The following APOOL variants were observed in gnomAD, a reference collection of about 807,000 sequenced individuals.
The protein encoded by APOOL is apolipoprotein O like.
Under a neutral mutation model 23.1 loss-of-function variants are expected in APOOL, and 12 were observed. The observed-to-expected ratio is 0.52, with a 90% confidence interval of 0.33 to 0.84. The LOEUF is 0.84. Among genes scored for constraint, APOOL ranks in the 40% least tolerant of loss-of-function variants. The pLI is 0.02. For synonymous variants in APOOL, 77 were observed against 69.9 expected (o/e 1.10, Z -0.51); for missense variants, 212 against 199.6 (o/e 1.06, Z -0.37).
At chrX:85,038,156 G>A (rs949613538) in intron 1 of APOOL, among the ~76,000 whole-genome samples, 1 of 111,298 alleles carries the variant, frequency 9.0e-6, no homozygotes, top group Non-Finnish European at 1.9e-5. Flanking sequence ...TTTTAGTTCT[G>A]TTTATGTGAT....
chrX:85,082,754 C>A (rs1237443183), intron 8 of APOOL, among the ~76,000 whole-genome samples: 1 of 111,769 alleles, frequency 8.9e-6, no homozygotes, highest in Non-Finnish European at 1.9e-5. Context: ...TTCACCAAGT[C>A]AAAAATATTT....
intron 5 of APOOL, among the ~76,000 whole-genome samples, chrX:85,058,442 T>C (rs1301206219): frequency 8.9e-6 from 1 of 111,878 alleles, no homozygotes; most frequent in East Asian, 2.8e-4. Flanking sequence ...CCATGGTGTA[T>C]ATGTACCACA....
chrX:85,017,185 G>C (rs1921506116), intron 1 of APOOL, among the ~76,000 whole-genome samples: 1 of 111,751 alleles, frequency 8.9e-6, no homozygotes, highest in African/African-American at 3.3e-5. Flanking sequence ...GCATAGGCCT[G>C]TGTGGGGGTT....
chrX:85,071,807 ACTCCT>A (rs1458635067), intron 6 of APOOL, among the ~76,000 whole-genome samples: 2 of 112,099 alleles, frequency 1.8e-5, no homozygotes, highest in African/African-American at 6.5e-5. Context: ...TGTATTAAGA[ACTCCT>A]GGCCAGGCGT....
chrX:85,083,606 G>A lies in APOOL; in HGVS notation c.719-3984G>A, dbSNP rs1040783156. Among the ~76,000 whole-genome samples, 3 of 111,747 alleles carry A rather than the reference G, an allele frequency of 2.7e-5. No individual in the cohort carries two copies. The Admixed American group carries it at 2.9e-4, about 11-fold the overall frequency. ...GAAAAGTTTGAGAAAGTACTTTATA[G>A]TGACTAGTGTCTTTAAGTATTTGAG... On this transcript the variant is annotated intron_variant, in intron 8 of 8. Coordinates refer to ENST00000373173, the MANE Select transcript of APOOL (RefSeq NM_198450.6).
chrX:85,035,142 A>G (rs2147485560), intron 1 of APOOL, among the ~76,000 whole-genome samples: 1 of 111,192 alleles, frequency 9.0e-6, no homozygotes, highest in South Asian at 3.8e-4. Context: ...ATTTTTTATA[A>G]TAGCCATTCT....
At chrX:85,052,324 GCC>G (rs1922810256) in intron 3 of APOOL, among the ~76,000 whole-genome samples, 1 of 112,024 alleles carries the variant, frequency 8.9e-6, no homozygotes, top group Admixed American at 9.5e-5. Context: ...TTAATGCTTA[GCC>G]TTCAATCAGC....
intron 5 of APOOL, among the ~76,000 whole-genome samples, chrX:85,061,738 C>T (rs1424614697): frequency 4.5e-5 from 5 of 111,899 alleles, no homozygotes; most frequent in Non-Finnish European, 9.4e-5. Context: ...TCCCCTTTAT[C>T]ATTTTTTATT....
chrX:85,019,859 A>C (rs1921598934), intron 1 of APOOL, among the ~76,000 whole-genome samples: 1 of 112,046 alleles, frequency 8.9e-6, no homozygotes, highest in Non-Finnish European at 1.9e-5. Flanking sequence ...GTGTGGCCCA[A>C]GGGGTAGCTG....
intron 1 of APOOL, among the ~76,000 whole-genome samples, chrX:85,035,396 TATTC>T (rs1922181138): frequency 9.0e-6 from 1 of 110,761 alleles, no homozygotes; most frequent in African/African-American, 3.3e-5. Context: ...TATTTCCTCA[TATTC>T]AGTAAGTTAT....
At chrX:85,055,701 T>A (rs1312222119) in intron 4 of APOOL, 126 bp from the exon 5 acceptor site, 2 of 416,489 alleles carry the variant, frequency 4.8e-6, no homozygotes, top group African/African-American at 5.3e-5. Flanking sequence ...TATATGTAGC[T>A]CTTTTGAAGA....
chrX:85,031,413 A>G (rs918276511), intron 1 of APOOL, among the ~76,000 whole-genome samples: 4 of 111,518 alleles, frequency 3.6e-5, no homozygotes, highest in Non-Finnish European at 7.5e-5. Flanking sequence ...ACAGGAGTCT[A>G]TATTTAATAG....
intron 8 of APOOL, among the ~76,000 whole-genome samples, chrX:85,087,262 AT>A (rs1924341447): frequency 9.0e-6 from 1 of 110,778 alleles, no homozygotes; most frequent in South Asian, 3.9e-4. Context: ...CCTGGAAGGC[AT>A]TGCCTGCTGG....
chrX:85,091,542 TCA>T lies in APOOL; in HGVS notation c.*3868_*3869del, dbSNP rs1317067530. ...GAAGTGCCTGGTAGGTAGTAGGAAC[TCA>T]CACGTTCTGCTATGCTGGTTGCAGC... On this transcript the variant is annotated 3_prime_UTR_variant, in exon 9 of 9. Transcript: ENST00000373173. 1 of 112,222 alleles carries T rather than the reference TCA, an allele frequency of 8.9e-6. No individual in the cohort carries two copies. The highest frequency in any genetic ancestry group is 2.8e-4 in the East Asian group (1 of 3,570). The allele number at this position is 112,222 out of a possible 1,213,427, so 9.2% of individuals were successfully genotyped here.
intron 1 of APOOL, among the ~76,000 whole-genome samples, chrX:85,025,305 G>T (rs184402243): frequency 9.0e-6 from 1 of 111,713 alleles, no homozygotes; most frequent in Non-Finnish European, 1.9e-5. Flanking sequence ...ACTAGGTCTC[G>T]CATTCAGCAT....
chrX:85,040,026 G>A (rs1293516761), intron 1 of APOOL, among the ~76,000 whole-genome samples: 3 of 111,695 alleles, frequency 2.7e-5, no homozygotes, highest in Non-Finnish European at 5.6e-5. Context: ...GATTTTTGTG[G>A]TGCCACTGAC....
At chrX:85,053,921 C>G (rs1311331561) in intron 3 of APOOL, among the ~76,000 whole-genome samples, 1 of 111,236 alleles carries the variant, frequency 9.0e-6, no homozygotes, top group Non-Finnish European at 1.9e-5. Flanking sequence ...TTGCTTTAGG[C>G]TTTTTGCTCT....
At chrX:85,065,880 CA>C (rs781475467) in intron 5 of APOOL, among the ~76,000 whole-genome samples, 3 of 111,015 alleles carry the variant, frequency 2.7e-5, no homozygotes, top group Non-Finnish European at 5.7e-5. Flanking sequence ...CAACTTAGGA[CA>C]TTTTAATATA....
Position 85,092,919 on chromosome X carries a change from A to G in APOOL, c.*5241A>G. 3.1e-6 allele frequency: 1 copy of G among 326,916 alleles called. No individual in the cohort carries two copies. The highest frequency in any genetic ancestry group is 5.3e-6 in the Non-Finnish European group (1 of 186,963). 26.9% of individuals were successfully genotyped at this position (326,916 alleles called of 1,213,427 possible). ...GTGTTTTTGAATAAAAATGCTTTCT[A>G]ATCTCCCTCCTTCTTACTTTCCCTT... On this transcript the variant is annotated 3_prime_UTR_variant, in exon 9 of 9. Coordinates refer to ENST00000373173, the MANE Select transcript of APOOL (RefSeq NM_198450.6).
Sources: allele counts gnomAD v4.1 joint callset (sites outside exome capture counted in the v4.1 genomes callset), GRCh38; gene constraint gnomAD v4.1.1; transcripts MANE v1.5; gene names NCBI Gene and HGNC (gene_info 2026-07-23, HGNC 2026-07-21).